EPM2A: variants seen among roughly 807,000 people sequenced by gnomAD.
EPM2A encodes the protein EPM2A glucan phosphatase, laforin.
EPM2A carries 21 observed loss-of-function variants against 26.5 expected under a neutral mutation model. The ratio of observed to expected loss-of-function variants is 0.79; its 90% CI spans 0.56 to 1.14. The LOEUF (loss-of-function observed/expected upper bound fraction) is 1.14, where lower values mean the gene tolerates loss of function less well. Among genes scored for constraint, EPM2A ranks in the 50% most tolerant of loss-of-function variants. EPM2A has a pLI of 0.00. For synonymous variants in EPM2A, 217 were observed against 177.6 expected (o/e 1.22, Z -1.76); for missense variants, 458 against 440.8 (o/e 1.04, Z -0.35).
intron 2 of EPM2A, among the ~76,000 whole-genome samples, chr6:145,503,659 T>C (rs1779928257): frequency 1.0e-5 from 1 of 98,018 alleles, no homozygotes; most frequent in Non-Finnish European, 2.1e-5. Flanking sequence ...GTGAAAATGG[T>C]CATACTGCCC....
chr6:145,698,363 A>C (rs1168296608), intron 1 of EPM2A, among the ~76,000 whole-genome samples: 1 of 152,200 alleles, frequency 6.6e-6, no homozygotes, highest in East Asian at 1.9e-4. Context: ...AGAAAAAGGA[A>C]ACAGAAGGAG....
chr6:145,561,735 C>T (rs1276326445), intron 2 of EPM2A, among the ~76,000 whole-genome samples: 6 of 152,134 alleles, frequency 3.9e-5, no homozygotes, highest in Non-Finnish European at 7.4e-5. Context: ...CAGTGATAAT[C>T]ATGAGATGAA....
At chr6:145,694,051 A>G (rs1027276831) in intron 1 of EPM2A, among the ~76,000 whole-genome samples, 1 of 152,004 alleles carries the variant, frequency 6.6e-6, no homozygotes, top group African/African-American at 2.4e-5. Context: ...TAAATCCAGA[A>G]GTTTTGAAAT....
At chr6:145,405,276 C>T (rs1157814520) in intron 4 of EPM2A, among the ~76,000 whole-genome samples, 1 of 152,150 alleles carries the variant, frequency 6.6e-6, no homozygotes, top group Non-Finnish European at 1.5e-5. Context: ...GACAAACACA[C>T]AGTGGCTCAT....
At chr6:145,518,907 G>A (rs192670202) in intron 2 of EPM2A, among the ~76,000 whole-genome samples, 4 of 151,028 alleles carry the variant, frequency 2.6e-5, no homozygotes, top group African/African-American at 9.7e-5. Flanking sequence ...TACAGAAGTT[G>A]AGACTGAGTT....
chr6:145,722,787 T>C (rs1424470293), intron 1 of EPM2A: 1 of 447,732 alleles, frequency 2.2e-6, no homozygotes. Context: ...GATTAGTGCC[T>C]TTATAAGAAG....
intron 4 of EPM2A, among the ~76,000 whole-genome samples, chr6:145,459,740 A>G (rs367628900): frequency 2.0e-5 from 3 of 152,110 alleles, no homozygotes; most frequent in African/African-American, 7.2e-5. Flanking sequence ...ATACAATACG[A>G]TACCTCTATA....
intron 4 of EPM2A, among the ~76,000 whole-genome samples, chr6:145,427,526 T>C (rs1473072809): frequency 1.3e-5 from 2 of 152,122 alleles, no homozygotes; most frequent in East Asian, 1.9e-4. Context: ...GTGCGTCTCC[T>C]AGAAACTTGA....
chr6:145,583,342 T>A (rs1012285837), intron 2 of EPM2A, among the ~76,000 whole-genome samples: 3 of 152,200 alleles, frequency 2.0e-5, no homozygotes, highest in African/African-American at 7.2e-5. Context: ...TTCTTTTATC[T>A]TCTTTGATGC....
chr6:145,695,999 A>G (rs561052028), intron 1 of EPM2A, among the ~76,000 whole-genome samples: 1 of 152,232 alleles, frequency 6.6e-6, no homozygotes, highest in East Asian at 1.9e-4. Flanking sequence ...TACACAGAAC[A>G]TCCTCCAGAA....
At chr6:145,658,591 T>C (rs1396726690) in intron 2 of EPM2A, among the ~76,000 whole-genome samples, 1 of 152,216 alleles carries the variant, frequency 6.6e-6, no homozygotes, top group Non-Finnish European at 1.5e-5. Context: ...AAAGTTATGT[T>C]ATTTTCATTA....
In EPM2A at chr6:145,735,471, G is replaced by A. The variant is rs2128650062; in HGVS notation, c.28C>T (p.Pro10Ser). The change falls in exon 1 of 4, where the codon CCA becomes TCA. Residue 10 changes from proline to serine, a missense_variant. Coordinates refer to ENST00000367519, the MANE Select transcript of EPM2A (RefSeq NM_005670.4). MRFRFGVVV[P>S]PAVAGARPEL... ...GGCCGGGCGCCGGCCACGGCGGGTGGCACCACCACCCCAAAGCGGAAGCGC... is the reference window on the plus strand; with the variant it reads ...GGCCGGGCGCCGGCCACGGCGGGTGACACCACCACCCCAAAGCGGAAGCGC... 3.3e-6 allele frequency: 4 copies of A among 1,221,114 alleles called. No homozygotes were observed. The Admixed American group carries it at 1.6e-4, about 48-fold the overall frequency. 75.6% of individuals were successfully genotyped at this position (1,221,114 alleles called of 1,614,324 possible).
chr6:145,434,944 T>C (rs532879342), intron 4 of EPM2A, among the ~76,000 whole-genome samples: 1 of 152,150 alleles, frequency 6.6e-6, no homozygotes, highest in African/African-American at 2.4e-5. Flanking sequence ...TAAGTTCTTA[T>C]GAGATCTGGT....
In EPM2A at chr6:145,570,394, A is replaced by G. The variant is rs184569540; in HGVS notation, c.340+64851T>C. Among the ~76,000 whole-genome samples the G allele has an allele frequency of 3.9e-5, 6 of 152,288 alleles. No homozygotes were observed. In the East Asian group the frequency reaches 1.2e-3, roughly 29 times the overall value. The stretch of plus-strand genomic sequence containing the variant: ...CACAACTGAAACTCACCAATCCCCA[A>G]CCCAAAGCTATTACATAAAGTTAAC... On this transcript the variant is annotated intron_variant, in intron 2 of 3. Transcript: ENST00000450221.
At chr6:145,426,600 C>A (rs1057060706) in intron 4 of EPM2A, among the ~76,000 whole-genome samples, 4 of 152,022 alleles carry the variant, frequency 2.6e-5, no homozygotes, top group Non-Finnish European at 4.4e-5. Context: ...ATATACATAC[C>A]TGTATACAGA....
chr6:145,650,799 T>C (rs1228873666), intron 2 of EPM2A, among the ~76,000 whole-genome samples: 1 of 152,192 alleles, frequency 6.6e-6, no homozygotes, highest in Non-Finnish European at 1.5e-5. Flanking sequence ...TATTCAGTTC[T>C]AAAACATCAC....
At chr6:145,520,576 C>T (rs548221353) in intron 2 of EPM2A, among the ~76,000 whole-genome samples, 8 of 152,274 alleles carry the variant, frequency 5.3e-5, no homozygotes, top group South Asian at 4.1e-4. Context: ...ATTTTGTACA[C>T]GTGCATTTTT....
chr6:145,426,038 G>T (rs981666816), intron 4 of EPM2A, among the ~76,000 whole-genome samples: 15 of 152,130 alleles, frequency 9.9e-5, no homozygotes, highest in African/African-American at 3.6e-4. Flanking sequence ...TTAAAATTAT[G>T]AATAAACTTT....
At chr6:145,594,075 A>G (rs1244856797) in intron 2 of EPM2A, among the ~76,000 whole-genome samples, 2 of 151,234 alleles carry the variant, frequency 1.3e-5, no homozygotes, top group Non-Finnish European at 3.0e-5. Flanking sequence ...TTTTTTAAAT[A>G]TGTTGTTATT....
Sources: allele counts gnomAD v4.1 joint callset (sites outside exome capture counted in the v4.1 genomes callset), GRCh38; gene constraint gnomAD v4.1.1; transcripts MANE v1.5; gene names NCBI Gene and HGNC (gene_info 2026-07-23, HGNC 2026-07-21).